The following VPS13B variants were observed in gnomAD, a reference collection of about 807,000 sequenced individuals.
VPS13B encodes the protein vacuolar protein sorting 13 homolog B.
In VPS13B, 285 loss-of-function variants were observed where a neutral mutation model predicts 426.4. That is an observed-to-expected ratio of 0.67 (90% CI 0.61 to 0.74). VPS13B has a LOEUF of 0.74. VPS13B is among the 30% of genes least tolerant of loss of function. The pLI is 0.00. For synonymous variants in VPS13B, 1,676 were observed against 1,676.4 expected (o/e 1.00, Z 0.01); for missense variants, 4,537 against 4,782.6 (o/e 0.95, Z 1.51).
At chr8:99,457,806 G>C (rs1481131541) in intron 23 of VPS13B, among the ~76,000 whole-genome samples, 2 of 151,776 alleles carry the variant, frequency 1.3e-5, no homozygotes, top group Non-Finnish European at 2.9e-5. Flanking sequence ...TCTTTAAAGT[G>C]TTCTGTTATT....
intron 19 of VPS13B, among the ~76,000 whole-genome samples, chr8:99,354,266 CTTTTTTTTTTTTTTTTTTTTTTTT>C (rs71273176): frequency 1.1e-3 from 25 of 22,194 alleles, no homozygotes; most frequent in African/African-American, 3.4e-3. Flanking sequence ...CTCCCCCTGC[CTTTTTTTTTTTTTTTTTTTTTTTT>C]TTTTTTTTTT....
At chr8:99,684,377 A>G (rs1224622854) in intron 35 of VPS13B, among the ~76,000 whole-genome samples, 1 of 152,084 alleles carries the variant, frequency 6.6e-6, no homozygotes, top group Admixed American at 6.5e-5. Flanking sequence ...AAGAAAAGAA[A>G]GAAGGAAAAC....
Position 99,717,231 on chromosome 8 carries a change from T to G in VPS13B, c.6515T>G (p.Leu2172Arg). ...AACGATTTTCTCCTTAAAACAAGTCTCAAAGAAAGAAGCCGCATTCTGATA... is the reference window on the plus strand; with the variant it reads ...AACGATTTTCTCCTTAAAACAAGTCGCAAAGAAAGAAGCCGCATTCTGATA... ...SINDFLLKTSLKERSRILIGP... is the reference protein window; with the variant it reads ...SINDFLLKTSRKERSRILIGP... The change falls in exon 37 of 62, where the codon CTC (leucine) becomes CGC (arginine). Residue 2172 changes from leucine (L) to arginine (R), a missense_variant. Around this residue, in one of 2 missense-constraint regions of VPS13B, gnomAD observed 4,311 missense variants for 4,474.3 expected, o/e 0.96. Transcript: ENST00000357162. 1 of 1,614,008 alleles carries G rather than the reference T, an allele frequency of 6.2e-7. No homozygotes were observed. Among genetic ancestry groups the G allele is most frequent in the Non-Finnish European group, 8.5e-7 (1 of 1,179,954 alleles).
chr8:99,624,068 T>C lies in VPS13B; in HGVS notation c.5221-17743T>C, dbSNP rs76095969. ...CCAATTTAACTGACCCAATAGCAAA[T>C]GAACTAACTTGCCTAGATAATTCAT... On this transcript the variant is annotated intron_variant, in intron 33 of 61. Transcript: ENST00000357162. Among the ~76,000 whole-genome samples the C allele has an allele frequency of 2.5e-3, 333 of 132,456 alleles. 3 individuals are homozygous for C. The highest frequency in any genetic ancestry group is 8.4e-3 in the African/African-American group (290 of 34,682). 86.9% of individuals were successfully genotyped at this position (132,456 alleles called of 152,430 possible).
In VPS13B at chr8:99,664,707, C is replaced by T. The variant is rs529415422; in HGVS notation, c.6046+3216C>T. ...GTATATGTGCCACATTTTCTTAATC[C>T]AGTCTATCGTTGTTGGACATTCAGG... On this transcript the variant is annotated intron_variant, in intron 35 of 61. Coordinates refer to ENST00000357162, the MANE Select transcript of VPS13B (RefSeq NM_152564.5). Among the ~76,000 whole-genome samples, 28 of 152,282 alleles carry T rather than the reference C, an allele frequency of 1.8e-4. 1 individual carries two copies. In the South Asian group the frequency reaches 5.6e-3, roughly 30 times the overall value.
chr8:99,423,100 C>T (rs1816466669), intron 21 of VPS13B, among the ~76,000 whole-genome samples: 1 of 151,152 alleles, frequency 6.6e-6, no homozygotes, highest in Admixed American at 6.6e-5. Flanking sequence ...ATTTTCTTTC[C>T]TCTCGTCTTC....
intron 23 of VPS13B, among the ~76,000 whole-genome samples, chr8:99,456,424 C>T (rs997418930): frequency 3.3e-5 from 5 of 152,158 alleles, no homozygotes; most frequent in African/African-American, 1.2e-4. Flanking sequence ...CCACCTTGGC[C>T]TCCTCAAGTG....
At chr8:99,079,147 G>C (rs902503762) in intron 3 of VPS13B, among the ~76,000 whole-genome samples, 1 of 152,116 alleles carries the variant, frequency 6.6e-6, no homozygotes. Flanking sequence ...GTCCCCACAG[G>C]TTGGATGGGT....
chr8:99,793,791 A>G (rs991631456), intron 43 of VPS13B, among the ~76,000 whole-genome samples: 1 of 152,226 alleles, frequency 6.6e-6, no homozygotes, highest in African/African-American at 2.4e-5. Context: ...ATGGTATATT[A>G]GAAAAAGCAC....
intron 35 of VPS13B, among the ~76,000 whole-genome samples, chr8:99,681,163 T>G (rs1831140257): frequency 6.6e-6 from 1 of 152,186 alleles, no homozygotes; most frequent in South Asian, 2.1e-4. Flanking sequence ...TTGATGTACT[T>G]TATACAACAA....
intron 19 of VPS13B, among the ~76,000 whole-genome samples, chr8:99,295,999 C>G (rs116387718): frequency 0.016 from 2,503 of 152,230 alleles, 71 homozygotes; most frequent in African/African-American, 0.057. Flanking sequence ...CATCACTCCA[C>G]TCCATCCTGG....
intron 17 of VPS13B, among the ~76,000 whole-genome samples, chr8:99,194,509 A>G (rs956823728): frequency 1.3e-5 from 2 of 152,154 alleles, no homozygotes; most frequent in African/African-American, 2.4e-5. Context: ...TTTAGATACC[A>G]CATTTAAGTG....
At position 99,784,387 on chromosome 8, in the gene VPS13B, C is replaced by A. The variant is rs779101063; in HGVS notation, c.7852C>A (p.Arg2618=). 1 of 1,613,712 alleles carries A rather than the reference C, an allele frequency of 6.2e-7. No individual in the cohort carries two copies. The highest frequency in any genetic ancestry group is 2.2e-5 in the East Asian group (1 of 44,876). ...VICNDTQETL[R]FGQVDTDENI... ...CTGTAATGACACACAGGAGACACTGCGGTTTGGCCAGGTGGATACTGATGA... is the reference window on the plus strand; with the variant it reads ...CTGTAATGACACACAGGAGACACTGAGGTTTGGCCAGGTGGATACTGATGA... Residue 2618 remains arginine (R), a synonymous_variant, in exon 43 of 62, where the codon CGG becomes AGG. Coordinates refer to ENST00000357162, the MANE Select transcript of VPS13B (RefSeq NM_152564.5).
At chr8:99,218,384 A>G (rs1367793569) in intron 17 of VPS13B, among the ~76,000 whole-genome samples, 2 of 152,200 alleles carry the variant, frequency 1.3e-5, no homozygotes, top group Non-Finnish European at 2.9e-5. Flanking sequence ...AGTAGCCAAA[A>G]GGAGATGATT....
chr8:99,768,015 A>C (rs1811312992), intron 40 of VPS13B, among the ~76,000 whole-genome samples: 1 of 152,232 alleles, frequency 6.6e-6, no homozygotes, highest in Non-Finnish European at 1.5e-5. Context: ...GTAGAGAAAA[A>C]TAGCTTCAGC....
chr8:99,037,453 C>T (rs1842799338), intron 2 of VPS13B, among the ~76,000 whole-genome samples: 1 of 152,056 alleles, frequency 6.6e-6, no homozygotes, highest in African/African-American at 2.4e-5. Context: ...AACTGAGGCA[C>T]AGATACAATA....
At chr8:99,349,923 A>G (rs889636594) in intron 19 of VPS13B, among the ~76,000 whole-genome samples, 4 of 152,180 alleles carry the variant, frequency 2.6e-5, no homozygotes, top group African/African-American at 9.7e-5. Context: ...AATATCTGAT[A>G]CTTAACCATC....
At chr8:99,598,178 G>A (rs1827110487) in intron 33 of VPS13B, among the ~76,000 whole-genome samples, 1 of 151,968 alleles carries the variant, frequency 6.6e-6, no homozygotes, top group African/African-American at 2.4e-5. Flanking sequence ...GACTTAAACA[G>A]GTGTGCCTGA....
At chr8:99,085,509 G>A (rs988089084) in intron 3 of VPS13B, among the ~76,000 whole-genome samples, 2 of 152,064 alleles carry the variant, frequency 1.3e-5, no homozygotes, top group African/African-American at 4.8e-5. Flanking sequence ...GATGTTAGCT[G>A]ATTATTTTGT....
Sources: gnomAD v4.1 joint callset for allele counts (sites outside exome capture counted in the v4.1 genomes callset) on GRCh38, gnomAD v4.1.1 for gene constraint, gnomAD v4.1.1 regional missense constraint, MANE v1.5 for transcripts, NCBI Gene and HGNC (gene_info 2026-07-23, HGNC 2026-07-21) for gene names.